PKD1: variants seen among roughly 807,000 people sequenced by gnomAD.
The protein encoded by PKD1 is polycystin-1.
In PKD1, 81 loss-of-function variants were observed where a neutral mutation model predicts 361.7. That is an observed-to-expected ratio of 0.22 (90% confidence interval 0.19 to 0.27). The LOEUF is 0.27. PKD1 is among the 10% of genes least tolerant of loss of function. The pLI, the probability that PKD1 is intolerant of heterozygous loss-of-function variation, is 1.00. For synonymous variants in PKD1, 3,615 were observed against 2,818.3 expected, an observed-to-expected ratio of 1.28 and a Z score of -8.95; for missense variants, 6,399 against 6,118.3, an observed-to-expected ratio of 1.05 and a Z score of -1.53.
rs1278569980 is a variant in PKD1, at chr16:2,099,624, G to A, written c.10050+20C>T. 2.5e-6 allele frequency: 4 copies of A among 1,581,058 alleles called. No individual in the cohort carries two copies. The highest frequency in any genetic ancestry group is 2.7e-5 in the African/African-American group (2 of 74,356). On this transcript the variant is annotated intron_variant, in intron 30 of 45. Transcript: ENST00000262304. The stretch of plus-strand genomic sequence containing the variant: ...CCAGGCTCCATTCCCAGTACTCCCG[G>A]GTCCCCAGCCCCAGCCCACCTTGCT...
Position 2,108,375 on chromosome 16 carries a change from T to G in PKD1, c.6792A>C (p.Ser2264=), listed in dbSNP as rs142928249. The G allele has an allele frequency of 1.2e-4, 199 of 1,610,432 alleles. No homozygotes were observed. The highest frequency in any genetic ancestry group is 4.5e-4 in the Middle Eastern group (2 of 4,452). ...ERLVPIIEGG[S]YRVWSDTRDL... Reference sequence around the variant, plus strand: ...CCCGTGTGTCTGACCACACGCGGTATGAGCCACCCTCAATGATGGGCACCA... The same window carrying G: ...CCCGTGTGTCTGACCACACGCGGTAGGAGCCACCCTCAATGATGGGCACCA... Residue 2264 remains serine (S), a synonymous_variant, in exon 15 of 46, where the codon TCA becomes TCC. Coordinates refer to ENST00000262304, the MANE Select transcript of PKD1 (RefSeq NM_001009944.3).
chr16:2,093,367 G>C, intron 37 of PKD1, 177 bp downstream of exon 37: 2 of 711,636 alleles, frequency 2.8e-6, no homozygotes, highest in South Asian at 1.8e-5. Flanking sequence ...GGCAGGGACT[G>C]GGGCAGCAAG....
Position 2,118,569 on chromosome 16 carries a change from C to G in PKD1, c.529+107G>C. The G allele has an allele frequency of 1.0e-6, 1 of 974,916 alleles. No individual in the cohort carries two copies. The highest frequency in any genetic ancestry group is 2.6e-5 in the East Asian group (1 of 38,492). The allele number at this position is 974,916 out of a possible 1,614,324, so 60.4% of individuals were successfully genotyped here. On this transcript the variant is annotated intron_variant, in intron 4 of 45. Coordinates refer to ENST00000262304, the MANE Select transcript of PKD1 (RefSeq NM_001009944.3). This position sits in a 1 kb window ranked among gnomAD's most constrained non-coding sequence, Gnocchi z 6.0. Reference sequence around the variant, plus strand: ...AGGCTCCCATGCTGTTCCCTTGGCCCGGAGGCCCCCCCCAGAGAGGCCTTC... The same window carrying G: ...AGGCTCCCATGCTGTTCCCTTGGCCGGGAGGCCCCCCCCAGAGAGGCCTTC...
chr16:2,126,805 G>A (rs982242432), intron 1 of PKD1, among the ~76,000 whole-genome samples: 6 of 152,252 alleles, frequency 3.9e-5, no homozygotes, highest in African/African-American at 1.4e-4. Context: ...CCCAGGCAGG[G>A]TCTCCCCCAC....
rs926592294 is a variant in PKD1, at chr16:2,135,665, G to T, written c.25C>A (p.Leu9Met). Residue 9 changes from leucine (L) to methionine (M), a missense_variant, in exon 1 of 46, where the codon CTG becomes ATG. Physicochemically the swap from Leu to Met is conservative, Grantham distance 15. Transcript: ENST00000262304. Reference sequence around the variant, plus strand: ...AGGCCCAGGCCCAGGGCCAGCGCCAGGCGGGCGGGCGCGGCGGGCGGCATC... The same window carrying T: ...AGGCCCAGGCCCAGGGCCAGCGCCATGCGGGCGGGCGCGGCGGGCGGCATC... The part of the protein sequence containing the change: MPPAAPAR[L>M]ALALGLGLWL... 1.3e-6 allele frequency: 1 copy of T among 773,188 alleles called. No individual in the cohort carries two copies. The highest frequency in any genetic ancestry group is 1.6e-6 in the Non-Finnish European group (1 of 638,230). 47.9% of individuals were successfully genotyped at this position (773,188 alleles called of 1,614,324 possible).
At position 2,109,345 on chromosome 16, in the gene PKD1, G is replaced by A; in HGVS notation, c.5822C>T (p.Pro1941Leu). 6.3e-7 allele frequency: 1 copy of A among 1,591,484 alleles called. No individual in the cohort carries two copies. The highest frequency in any genetic ancestry group is 1.3e-5 in the African/African-American group (1 of 74,816). ...GCTCACCACGTGGTCTCCGACGCGGGGGAAGCTGTGGGAGAAACGGGGCCC... is the reference window on the plus strand; with the variant it reads ...GCTCACCACGTGGTCTCCGACGCGGAGGAAGCTGTGGGAGAAACGGGGCCC... ...LPGPRFSHSF[P>L]RVGDHVVSVR... Residue 1941 changes from proline to leucine, a missense_variant, in exon 15 of 46, where the codon CCC (proline) becomes CTC (leucine). Pro to Leu is a moderately conservative substitution (Grantham distance 98). Coordinates refer to ENST00000262304, the MANE Select transcript of PKD1 (RefSeq NM_001009944.3).
chr16:2,116,199 G>A (rs1251404964), intron 8 of PKD1, 81 bp from the exon 9 acceptor site: 3 of 1,436,878 alleles, frequency 2.1e-6, no homozygotes, highest in South Asian at 1.2e-5. Flanking sequence ...AACTTCCCAG[G>A]AAGAGGGGAG....
At chr16:2,125,814 T>C (rs2092791548) in intron 1 of PKD1, among the ~76,000 whole-genome samples, 1 of 152,022 alleles carries the variant, frequency 6.6e-6, no homozygotes, top group Non-Finnish European at 1.5e-5. Flanking sequence ...TGTGACCCCC[T>C]TGCATCCCTC....
chr16:2,093,102 C>T lies in PKD1; in HGVS notation c.11017-9G>A, dbSNP rs374206697. On this transcript the variant is annotated splice_polypyrimidine_tract_variant and intron_variant, in intron 37 of 45. Coordinates refer to ENST00000262304, the MANE Select transcript of PKD1 (RefSeq NM_001009944.3). Reference sequence around the variant, plus strand: ...ATGTACACCAGGAGGCTCTGGTGGACGGGGGGGCCCTGTGGTCAGCCTGGC... The same window carrying T: ...ATGTACACCAGGAGGCTCTGGTGGATGGGGGGGCCCTGTGGTCAGCCTGGC... 60 of 1,611,756 alleles carry T rather than the reference C, an allele frequency of 3.7e-5. No individual in the cohort carries two copies. Among genetic ancestry groups the T allele is most frequent in the Middle Eastern group, 1.8e-4 (1 of 5,618 alleles).
rs367984427 is a variant in PKD1 at position 2,108,543 on chromosome 16, G to A, written c.6624C>T (p.Gly2208=). The A allele has an allele frequency of 1.0e-5, 16 of 1,605,176 alleles. No homozygotes were observed. The highest frequency in any genetic ancestry group is 2.3e-4 in the Middle Eastern group (1 of 4,442). The change falls in exon 15 of 46, where the codon GGC becomes GGT. Residue 2208 remains glycine, a synonymous_variant. Transcript: ENST00000262304. ...CCAGCCGAGGCCGGCTCACGTCCACGCCGGGCAGGGCCACACGCGCTGGGC... is the reference window on the plus strand; with the variant it reads ...CCAGCCGAGGCCGGCTCACGTCCACACCGGGCAGGGCCACACGCGCTGGGC... ...PGRPARVALP[G]VDVSRPRLVL...
chr16:2,109,712 C>A lies in PKD1; in HGVS notation c.5455G>T (p.Ala1819Ser), dbSNP rs202119008. The A allele has an allele frequency of 2.4e-4, 382 of 1,601,356 alleles. 1 individual carries two copies. The African/African-American group carries it at 4.7e-3, about 20-fold the overall frequency. The stretch of plus-strand genomic sequence containing the variant: ...CCCCAAAAGGGCACAGAGGACCCGG[C>A]CGCCACGAAGCTGCCTCCGGGCTCG... ...ASEPGGSFVA[A>S]GSSVPFWGQL... Residue 1819 changes from alanine to serine, a missense_variant, in exon 15 of 46, where the codon GCC (alanine) becomes TCC (serine). Ala to Ser is a moderately conservative substitution (Grantham distance 99). Coordinates refer to ENST00000262304, the MANE Select transcript of PKD1 (RefSeq NM_001009944.3).
chr16:2,102,783 C>T (rs2092150147), intron 24 of PKD1, 31 bp downstream of exon 24: 1 of 1,609,544 alleles, frequency 6.2e-7, no homozygotes, highest in African/African-American at 1.3e-5. Context: ...ATGCCCTGCC[C>T]TGCCCTGCCA....
intron 23 of PKD1, 73 bp downstream of exon 23, chr16:2,103,193 A>G (rs1456695795): frequency 7.5e-6 from 11 of 1,474,218 alleles, no homozygotes; most frequent in Non-Finnish European, 1.0e-5. Context: ...ACACCCATGG[A>G]AGCCCTACGA....
intron 16 of PKD1, chr16:2,107,287 G>C (rs1347222290): frequency 2.5e-5 from 10 of 407,704 alleles, no homozygotes; most frequent in Non-Finnish European, 2.8e-5. Flanking sequence ...CTGCCACGTA[G>C]GCCTGACTCA....
At position 2,115,451 on chromosome 16, in the gene PKD1, A is replaced by G. The variant is rs763443666; in HGVS notation, c.2024T>C (p.Leu675Pro). ...CCATAGCGCATAGGGGGCCCCGGGT[A>G]GCCCTGGCCCTGACGTGCAGCCATT... is the stretch of plus-strand genomic sequence containing the variant. ...CANGCTSGPG[L>P]PGAPYALWRE... The change falls in exon 10 of 46, where the codon CTA becomes CCA. Residue 675 changes from leucine (L) to proline (P), a missense_variant. Leu to Pro is a moderately conservative substitution (Grantham distance 98). Coordinates refer to ENST00000262304, the MANE Select transcript of PKD1 (RefSeq NM_001009944.3). The G allele has an allele frequency of 4.4e-6, 7 of 1,599,530 alleles. No individual in the cohort carries two copies. The South Asian group carries it at 5.6e-5, about 13-fold the overall frequency.
chr16:2,127,489 C>T (rs1007413643), intron 1 of PKD1, among the ~76,000 whole-genome samples: 3 of 152,208 alleles, frequency 2.0e-5, no homozygotes, highest in Non-Finnish European at 2.9e-5. Context: ...TGGCTCCCGT[C>T]GTCCAGTGTC....
intron 42 of PKD1, 86 bp downstream of exon 42, chr16:2,091,337 G>GGGGCGGGGCCCTGCGAGA: frequency 1.6e-6 from 1 of 607,460 alleles, no homozygotes; most frequent in Non-Finnish European, 2.1e-6. Flanking sequence ...GCGCTGCGAG[G>GGGGCGGGGCCCTGCGAGA]GGTGAGACGC....
chr16:2,127,381 C>T (rs192252374), intron 1 of PKD1, among the ~76,000 whole-genome samples: 40 of 152,344 alleles, frequency 2.6e-4, no homozygotes, highest in African/African-American at 9.6e-4. Context: ...CAGGAGTGGG[C>T]CGGGTCTTGT....
intron 1 of PKD1, among the ~76,000 whole-genome samples, chr16:2,126,792 G>A (rs1470541013): frequency 6.6e-6 from 1 of 152,264 alleles, no homozygotes; most frequent in East Asian, 1.9e-4. Flanking sequence ...CTGGAAAGCA[G>A]ATCCCAGGCA....
Sources: gnomAD v4.1 joint callset for allele counts (sites outside exome capture counted in the v4.1 genomes callset) on GRCh38, gnomAD v4.1.1 for gene constraint, Gnocchi (gnomAD v3.1) non-coding constraint, MANE v1.5 for transcripts, NCBI Gene and HGNC (gene_info 2026-07-23, HGNC 2026-07-21) for gene names.